GPC6: variants seen among roughly 807,000 people sequenced by gnomAD.
The protein encoded by GPC6 is glypican-6.
A neutral mutation model predicts 55.2 loss-of-function variants in GPC6; 14 were observed. That is an observed-to-expected ratio of 0.25 (90% CI 0.17 to 0.40). The LOEUF (loss-of-function observed/expected upper bound fraction) is 0.40, where lower values mean the gene tolerates loss of function less well. Ranked by LOEUF, GPC6 falls within the 10% of genes least tolerant of loss-of-function variation. GPC6 has a pLI of 1.00. For missense variants in GPC6, 641 were observed against 708.5 expected, an observed-to-expected ratio of 0.90 and a Z score of 1.08; for synonymous variants, 278 against 259.6, an observed-to-expected ratio of 1.07 and a Z score of -0.68.
chr13:93,619,186 GT>G, intron 2 of GPC6, among the ~76,000 whole-genome samples: 1 of 152,188 alleles, frequency 6.6e-6, no homozygotes, highest in South Asian at 2.1e-4. Context: ...GTTGTTTGGG[GT>G]TTTTGTTTCA....
At chr13:94,235,324 C>T (rs960053668) in intron 4 of GPC6, among the ~76,000 whole-genome samples, 3 of 151,996 alleles carry the variant, frequency 2.0e-5, no homozygotes, top group African/African-American at 7.2e-5. Context: ...TCTCACAGTT[C>T]AACAGGACAT....
intron 2 of GPC6, among the ~76,000 whole-genome samples, chr13:93,693,860 C>T (rs1397162348): frequency 4.6e-5 from 7 of 152,090 alleles, no homozygotes; most frequent in Admixed American, 4.6e-4. Flanking sequence ...GAGAATTATG[C>T]CAATTTTAAG....
At chr13:94,015,542 AT>A (rs1882430248) in intron 3 of GPC6, among the ~76,000 whole-genome samples, 1 of 152,070 alleles carries the variant, frequency 6.6e-6, no homozygotes, top group East Asian at 1.9e-4. Flanking sequence ...ATGAAGTCCT[AT>A]TTATTTTTTC....
intron 2 of GPC6, among the ~76,000 whole-genome samples, chr13:93,577,098 T>A (rs945044078): frequency 6.6e-6 from 1 of 152,130 alleles, no homozygotes; most frequent in African/African-American, 2.4e-5. Context: ...AGTATGAGTG[T>A]TCTAGGAAAC....
At chr13:93,996,279 G>T (rs1881551347) in intron 3 of GPC6, among the ~76,000 whole-genome samples, 1 of 152,200 alleles carries the variant, frequency 6.6e-6, no homozygotes, top group Non-Finnish European at 1.5e-5. Context: ...CGCTAAGGCT[G>T]AATTATGAAT....
At chr13:94,187,850 G>T (rs1160443214) in intron 4 of GPC6, 1 of 152,124 alleles carries the variant, frequency 6.6e-6, no homozygotes, top group African/African-American at 2.4e-5. Context: ...GAAAAACATG[G>T]CTAACTTGTT....
At chr13:94,134,326 C>A (rs748443882) in intron 4 of GPC6, among the ~76,000 whole-genome samples, 4 of 152,100 alleles carry the variant, frequency 2.6e-5, no homozygotes, top group Non-Finnish European at 5.9e-5. Flanking sequence ...AACACAGACC[C>A]CTGCTCCAAG....
At chr13:93,524,588 C>T (rs1337449474) in intron 1 of GPC6, among the ~76,000 whole-genome samples, 5 of 151,940 alleles carry the variant, frequency 3.3e-5, no homozygotes, top group African/African-American at 1.2e-4. Context: ...ATGTACACAC[C>T]CTTTATTCAA....
intron 4 of GPC6, among the ~76,000 whole-genome samples, chr13:94,209,757 A>G (rs144586458): frequency 1.1e-3 from 168 of 152,318 alleles, no homozygotes; most frequent in African/African-American, 3.9e-3. Flanking sequence ...ACTAAAGATT[A>G]CATAATTGTT....
intron 5 of GPC6, among the ~76,000 whole-genome samples, chr13:94,289,895 G>A (rs924954933): frequency 6.6e-6 from 1 of 152,124 alleles, no homozygotes; most frequent in East Asian, 1.9e-4. Context: ...AATTAAAATG[G>A]CAGTTCTCAA....
chr13:94,179,246 A>G (rs557706944), intron 4 of GPC6, among the ~76,000 whole-genome samples: 1 of 152,230 alleles, frequency 6.6e-6, no homozygotes, highest in Non-Finnish European at 1.5e-5. Flanking sequence ...TCTAAGATGC[A>G]TCTTCTTCAG....
intron 2 of GPC6, among the ~76,000 whole-genome samples, chr13:93,683,270 A>G (rs1881922136): frequency 2.8e-5 from 3 of 108,838 alleles, no homozygotes; most frequent in Admixed American, 2.6e-4. Context: ...TCAATACAAT[A>G]TCTTTTTTTG....
chr13:93,828,534 T>C (rs1222013537), intron 2 of GPC6, among the ~76,000 whole-genome samples: 1 of 152,086 alleles, frequency 6.6e-6, no homozygotes, highest in Non-Finnish European at 1.5e-5. Context: ...AATTTCGCCC[T>C]ATCTGCTTCA....
At chr13:93,543,775 A>T (rs1470549185) in intron 1 of GPC6, among the ~76,000 whole-genome samples, 1 of 152,188 alleles carries the variant, frequency 6.6e-6, no homozygotes, top group Non-Finnish European at 1.5e-5. Flanking sequence ...GTAGTGTTCC[A>T]GTAAACATGG....
chr13:93,467,803 C>T (rs1878967168), intron 1 of GPC6, among the ~76,000 whole-genome samples: 1 of 151,782 alleles, frequency 6.6e-6, no homozygotes, highest in Admixed American at 6.6e-5. Context: ...CTTGCACAGG[C>T]TGGTCTCGAA....
chr13:93,984,897 A>G (rs952188094), intron 3 of GPC6, among the ~76,000 whole-genome samples: 5 of 152,216 alleles, frequency 3.3e-5, no homozygotes, highest in Admixed American at 1.3e-4. Flanking sequence ...GAATAATTAT[A>G]TATAGTTTAA....
chr13:93,552,992 T>C (rs1875239835), intron 2 of GPC6, among the ~76,000 whole-genome samples: 1 of 152,202 alleles, frequency 6.6e-6, no homozygotes, highest in Admixed American at 6.5e-5. Context: ...TACAGCTCCC[T>C]GGAAACATTT....
At chr13:94,031,961 T>G (rs1368607269) in intron 4 of GPC6, among the ~76,000 whole-genome samples, 1 of 152,180 alleles carries the variant, frequency 6.6e-6, no homozygotes, top group African/African-American at 2.4e-5. Context: ...ATCTGGTACC[T>G]TCTAAGATTT....
At chr13:93,495,040 C>G (rs1880203342) in intron 1 of GPC6, among the ~76,000 whole-genome samples, 2 of 120,456 alleles carry the variant, frequency 1.7e-5, no homozygotes, top group Non-Finnish European at 1.7e-5. Flanking sequence ...TTGTGGCGTT[C>G]TCTGTATTTC....
Sources: allele counts gnomAD v4.1 joint callset (sites outside exome capture counted in the v4.1 genomes callset), GRCh38; gene constraint gnomAD v4.1.1; transcripts MANE v1.5; gene names NCBI Gene and HGNC (gene_info 2026-07-23, HGNC 2026-07-21).